Variants in PICK1 observed in about 807,000 individuals in gnomAD.
PICK1 encodes the protein PRKCA-binding protein.
A neutral mutation model predicts 48.9 loss-of-function variants in PICK1; 23 were observed. The observed-to-expected ratio is 0.47, with a 90% CI of 0.34 to 0.67. The LOEUF (loss-of-function observed/expected upper bound fraction) is 0.67, where lower values mean the gene tolerates loss of function less well. Ranked by LOEUF, PICK1 falls within the 30% of genes least tolerant of loss-of-function variation. The pLI is 0.01. For synonymous variants in PICK1, 217 were observed against 228.2 expected (o/e 0.95, Z 0.44); for missense variants, 423 against 557.1 (o/e 0.76, Z 2.42).
intron 3 of PICK1, among the ~76,000 whole-genome samples, chr22:38,060,202 C>T (rs969389539): frequency 2.7e-4 from 41 of 152,112 alleles, no homozygotes; most frequent in African/African-American, 9.2e-4. Context: ...CCTGGGTGAC[C>T]GAGTGAGACC....
intron 3 of PICK1, among the ~76,000 whole-genome samples, chr22:38,061,508 C>G (rs2085402197): frequency 6.6e-6 from 1 of 152,118 alleles, no homozygotes; most frequent in Admixed American, 6.6e-5. Context: ...CCGGCTTTCT[C>G]TGTCTCTTCA....
intron 6 of PICK1, 89 bp downstream of exon 6, chr22:38,069,211 T>C (rs1360201873): frequency 2.1e-6 from 2 of 954,314 alleles, no homozygotes; most frequent in East Asian, 5.2e-5. Context: ...ACCAAGCTGC[T>C]GTGGGTCCCG....
intron 2 of PICK1, chr22:38,058,297 C>T (rs1040364690): frequency 2.7e-5 from 6 of 218,292 alleles, no homozygotes; most frequent in Admixed American, 5.1e-5. Context: ...CTATGCTCAG[C>T]ACTTAGTAAG....
At chr22:38,064,278 G>C (rs13053681) in intron 3 of PICK1, among the ~76,000 whole-genome samples, 35,771 of 151,870 alleles carry the variant, frequency 0.24, 4,638 homozygotes, top group Non-Finnish European at 0.28. Context: ...GGTTACTCTC[G>C]AATTCCTGAC....
chr22:38,066,067 T>C lies in PICK1; in HGVS notation c.282+937T>C, dbSNP rs1049458343. Among the ~76,000 whole-genome samples the C allele has an allele frequency of 6.6e-6, 1 of 152,218 alleles. No individual in the cohort carries two copies. Among genetic ancestry groups the C allele is most frequent in the Non-Finnish European group, 1.5e-5 (1 of 68,042 alleles). ...GAGTAGTCCGTGCTTCTCTCCTTCC[T>C]TGCTGTAGGAAGAGTCCCATCCTGC... is the stretch of plus-strand genomic sequence containing the variant. On this transcript the variant is annotated intron_variant, in intron 4 of 12. Coordinates refer to ENST00000356976, the MANE Select transcript of PICK1 (RefSeq NM_012407.4). This position sits in a 1 kb window ranked among gnomAD's most constrained non-coding sequence, Gnocchi z 4.1.
intron 8 of PICK1, 127 bp from the exon 9 acceptor site, chr22:38,072,350 G>A (rs1215041370): frequency 9.1e-7 from 1 of 1,102,038 alleles, no homozygotes; most frequent in Non-Finnish European, 1.3e-6. Flanking sequence ...TCTCTTGGAG[G>A]TGTAGCCCCT....
chr22:38,069,227 C>A, intron 6 of PICK1, 105 bp downstream of exon 6: 1 of 809,804 alleles, frequency 1.2e-6, no homozygotes, highest in South Asian at 1.5e-5. Context: ...TCCCGCGGGT[C>A]TGACCCTGGC....
At position 38,058,214 on chromosome 22, in the gene PICK1, G is replaced by T. The variant is rs118160190; in HGVS notation, c.41+364G>T. ...TAGACACCCTTCCTTCCCAACATAGGTTGTTAGTAGGACAGATTTTCCCAT... is the reference window on the plus strand; with the variant it reads ...TAGACACCCTTCCTTCCCAACATAGTTTGTTAGTAGGACAGATTTTCCCAT... On this transcript the variant is annotated intron_variant, in intron 2 of 12. Transcript: ENST00000356976. 7.5e-4 allele frequency: 246 copies of T among 326,218 alleles called. 2 individuals carry two copies. In the East Asian group the frequency reaches 0.014, roughly 19 times the overall value. 20.2% of individuals were successfully genotyped at this position (326,218 alleles called of 1,614,324 possible). A position where few individuals can be genotyped will look rare whatever the true frequency, so the allele number is the denominator to read the frequency against.
Position 38,065,247 on chromosome 22 carries a change from C to T in PICK1, c.282+117C>T, listed in dbSNP as rs997069664. On this transcript the variant is annotated intron_variant, in intron 4 of 12. Transcript: ENST00000356976. ...GGTATCAGCCCTCACCGCCCCCTTC[C>T]TTGTCATGTGCAGGGTCAGGGTCAC... 6 of 1,004,016 alleles carry T rather than the reference C, an allele frequency of 6.0e-6. No homozygotes were observed. In the African/African-American group the frequency reaches 9.6e-5, roughly 16 times the overall value. The allele number at this position is 1,004,016 out of a possible 1,614,324, so 62.2% of individuals were successfully genotyped here.
chr22:38,064,807 T>C (rs1205784400), intron 3 of PICK1, among the ~76,000 whole-genome samples, 195 bp from the exon 4 acceptor site: 1 of 152,176 alleles, frequency 6.6e-6, no homozygotes, highest in East Asian at 1.9e-4. Context: ...GGAGAATTGC[T>C]GGAGCCCAGG....
intron 3 of PICK1, among the ~76,000 whole-genome samples, chr22:38,064,613 T>A (rs1029503718): frequency 8.6e-5 from 13 of 151,866 alleles, no homozygotes; most frequent in Non-Finnish European, 1.8e-4. Flanking sequence ...GATACGAAAT[T>A]AGCCGGGCGT....
At chr22:38,060,840 C>T (rs1368773121) in intron 3 of PICK1, among the ~76,000 whole-genome samples, 1 of 151,614 alleles carries the variant, frequency 6.6e-6, no homozygotes, top group Non-Finnish European at 1.5e-5. Context: ...CCTCTGCCTC[C>T]TGGATTCAAA....
chr22:38,061,262 AC>A (rs1430031732), intron 3 of PICK1, among the ~76,000 whole-genome samples: 3 of 151,896 alleles, frequency 2.0e-5, no homozygotes, highest in African/African-American at 7.2e-5. Flanking sequence ...AATCGCTTGA[AC>A]CCGGGAGATG....
At chr22:38,058,133 G>GC in intron 2 of PICK1, 1 of 507,526 alleles carries the variant, frequency 2.0e-6, no homozygotes, top group East Asian at 3.5e-5. Context: ...GTCAAGGAAA[G>GC]CTTCATGGAG....
upstream of PICK1, chr22:38,057,361 T>TG (rs113712849): frequency 0.02 from 4,558 of 223,940 alleles, 200 homozygotes; most frequent in African/African-American, 0.097. Flanking sequence ...AAATATCCAG[T>TG]GGGGGGAAAG....
At position 38,074,907 on chromosome 22, in the gene PICK1, G is replaced by C; in HGVS notation, c.1023G>C (p.Met341Ile). ...AGCTGCAGCGCCTCGTGTCCACCATGTCCAAGTACTACAACGACTGCTACG... is the reference window on the plus strand; with the variant it reads ...AGCTGCAGCGCCTCGTGTCCACCATCTCCAAGTACTACAACGACTGCTACG... ...VFQLQRLVST[M>I]SKYYNDCYAV... Residue 341 changes from methionine (M) to isoleucine (I), a missense_variant, in exon 13 of 13, where the codon ATG (methionine) becomes ATC (isoleucine). Transcript: ENST00000356976. This position sits in a 1 kb window ranked among gnomAD's most constrained non-coding sequence, Gnocchi z 4.5. 1.2e-6 allele frequency: 2 copies of C among 1,613,504 alleles called. No homozygotes were observed. The highest frequency in any genetic ancestry group is 1.7e-6 in the Non-Finnish European group (2 of 1,180,026).
chr22:38,059,543 G>T (rs2085350121), intron 3 of PICK1, among the ~76,000 whole-genome samples, 198 bp downstream of exon 3: 1 of 152,050 alleles, frequency 6.6e-6, no homozygotes, highest in Admixed American at 6.6e-5. Context: ...TTCCTTCTCG[G>T]CACTTATTAC....
intron 9 of PICK1, 34 bp downstream of exon 9, chr22:38,072,644 G>A: frequency 1.2e-6 from 2 of 1,610,604 alleles, no homozygotes; most frequent in Non-Finnish European, 1.7e-6. Context: ...TGTCTGGCGT[G>A]TGAGGGTGGG....
rs1047364050 is a variant in PICK1, at chr22:38,057,582, T to A, written c.-63T>A. On this transcript the variant is annotated 5_prime_UTR_variant, in exon 1 of 13. Transcript: ENST00000356976. ...CGCCCTGGCCTGGAGCCCCCCTTTG[T>A]ACCTAGTAAGAATCACCTACCCAGC... is the stretch of plus-strand genomic sequence containing the variant. The A allele has an allele frequency of 6.7e-6, 4 of 595,398 alleles. No individual in the cohort carries two copies. In the African/African-American group the frequency reaches 7.4e-5, roughly 11 times the overall value. The allele number at this position is 595,398 out of a possible 1,614,324, so 36.9% of individuals were successfully genotyped here.
Sources: allele counts gnomAD v4.1 joint callset (sites outside exome capture counted in the v4.1 genomes callset), GRCh38; gene constraint gnomAD v4.1.1; non-coding constraint Gnocchi (gnomAD v3.1); transcripts MANE v1.5; gene names NCBI Gene and HGNC (gene_info 2026-07-23, HGNC 2026-07-21).